GPCPD1: variants seen among roughly 807,000 people sequenced by gnomAD.
The protein encoded by GPCPD1 is glycerophosphocholine phosphodiesterase GPCPD1.
Under a neutral mutation model 89.2 loss-of-function variants are expected in GPCPD1, and 29 were observed. That is an observed-to-expected ratio of 0.33 (90% CI 0.24 to 0.44). The LOEUF (loss-of-function observed/expected upper bound fraction) is 0.44, where lower values mean the gene tolerates loss of function less well. Among genes scored for constraint, GPCPD1 ranks in the 20% least tolerant of loss-of-function variants. The pLI, the probability that GPCPD1 is intolerant of heterozygous loss-of-function variation, is 1.00. For missense variants in GPCPD1, 594 were observed against 808.9 expected, an observed-to-expected ratio of 0.73 and a Z score of 3.22; for synonymous variants, 258 against 266.3, an observed-to-expected ratio of 0.97 and a Z score of 0.30.
chr20:5,603,962 G>C (rs929061535), intron 2 of GPCPD1, among the ~76,000 whole-genome samples: 1 of 151,942 alleles, frequency 6.6e-6, no homozygotes, highest in Non-Finnish European at 1.5e-5. Flanking sequence ...GGCCAGGCTG[G>C]TCTTGAACTC....
chr20:5,588,510 A>G (rs1302867526), intron 4 of GPCPD1, among the ~76,000 whole-genome samples: 1 of 150,946 alleles, frequency 6.6e-6, no homozygotes, highest in Non-Finnish European at 1.5e-5. Flanking sequence ...TTCTCAAAAA[A>G]AAGTCGCAAA....
chr20:5,558,290 A>C (rs545454332), intron 18 of GPCPD1, among the ~76,000 whole-genome samples, 185 bp from the exon 19 acceptor site: 1 of 152,316 alleles, frequency 6.6e-6, no homozygotes, highest in East Asian at 1.9e-4. Flanking sequence ...TATTCACAAT[A>C]TATTAATATA....
chr20:5,597,100 C>T (rs572545457), intron 3 of GPCPD1, among the ~76,000 whole-genome samples: 1 of 152,174 alleles, frequency 6.6e-6, no homozygotes, highest in Non-Finnish European at 1.5e-5. Context: ...GAAGGAAATA[C>T]TAGTCTGTGA....
chr20:5,608,522 C>A (rs1187054505), intron 1 of GPCPD1, among the ~76,000 whole-genome samples: 3 of 152,014 alleles, frequency 2.0e-5, no homozygotes, highest in Non-Finnish European at 4.4e-5. Context: ...ATTTTGGCAT[C>A]CAGTTACCAC....
intron 8 of GPCPD1, 70 bp from the exon 9 acceptor site, chr20:5,576,048 C>CACACACACACACAG (rs1490959954): frequency 1.4e-5 from 9 of 631,786 alleles, no homozygotes; most frequent in Non-Finnish European, 2.3e-5. Flanking sequence ...TATACACACA[C>CACACACACACACAG]ACACACACAC....
chr20:5,582,917 T>C (rs1489828204), intron 6 of GPCPD1, among the ~76,000 whole-genome samples: 1 of 146,934 alleles, frequency 6.8e-6, no homozygotes, highest in Non-Finnish European at 1.5e-5. Context: ...AAGAATGCAG[T>C]TTAGTATAAT....
chr20:5,595,155 A>G (rs1445025918), intron 3 of GPCPD1, among the ~76,000 whole-genome samples: 1 of 152,214 alleles, frequency 6.6e-6, no homozygotes, highest in Non-Finnish European at 1.5e-5. Context: ...TGATTGTATC[A>G]TTTTTTAGCA....
At chr20:5,557,924 T>A (rs1461745758) in intron 19 of GPCPD1, 21 bp downstream of exon 19, 2 of 1,369,898 alleles carry the variant, frequency 1.5e-6, no homozygotes, top group Non-Finnish European at 2.0e-6. Context: ...TCCATGAAAA[T>A]TTTTCATGAA....
intron 2 of GPCPD1, among the ~76,000 whole-genome samples, chr20:5,600,714 C>T (rs547675253): frequency 6.6e-6 from 1 of 152,276 alleles, no homozygotes; most frequent in African/African-American, 2.4e-5. Context: ...CACCTGTAAT[C>T]CCAGTTACTC....
intron 1 of GPCPD1, 98 bp from the exon 2 acceptor site, chr20:5,604,538 A>T (rs1980410277): frequency 2.2e-6 from 1 of 451,108 alleles, no homozygotes; most frequent in Non-Finnish European, 4.0e-6. Context: ...TTATATTTTT[A>T]AAAGCAATAT....
intron 2 of GPCPD1, among the ~76,000 whole-genome samples, chr20:5,604,016 G>A (rs1980372923): frequency 6.6e-6 from 1 of 152,120 alleles, no homozygotes; most frequent in African/African-American, 2.4e-5. Flanking sequence ...CAAAGTGCTG[G>A]GATTACAGGC....
intron 19 of GPCPD1, among the ~76,000 whole-genome samples, chr20:5,552,433 T>C (rs547708322): frequency 3.9e-5 from 6 of 152,264 alleles, no homozygotes; most frequent in Non-Finnish European, 5.9e-5. Context: ...TATCTTCCTG[T>C]TCTCCATTAA....
chr20:5,578,413 T>C lies in GPCPD1; in HGVS notation c.672A>G (p.Pro224=), dbSNP rs1568661477. 6.2e-7 allele frequency: 1 copy of C among 1,613,358 alleles called. No homozygotes were observed. Among genetic ancestry groups the C allele is most frequent in the Non-Finnish European group, 8.5e-7 (1 of 1,179,226 alleles). ...AATCAAAGATTAGTTCCAGGTTATC[T>C]GGTTCCATCGTCTGTATGCTGTACT... ...WTEYSIQTME[P]DNLELIFDFF... The change falls in exon 8 of 20, where the codon CCA becomes CCG. Residue 224 remains proline, a synonymous_variant. Transcript: ENST00000379019.
At chr20:5,559,218 T>TA (rs958794687) in intron 17 of GPCPD1, among the ~76,000 whole-genome samples, 44 of 147,990 alleles carry the variant, frequency 3.0e-4, no homozygotes, top group African/African-American at 8.9e-4. Context: ...TAAATAGATT[T>TA]AAAAAAAAAA....
At chr20:5,578,039 A>C (rs529909127) in intron 8 of GPCPD1, among the ~76,000 whole-genome samples, 1 of 152,234 alleles carries the variant, frequency 6.6e-6, no homozygotes, top group Non-Finnish European at 1.5e-5. Context: ...CACGCTTGTT[A>C]CATCGGGATG....
chr20:5,547,580 A>T lies in GPCPD1; in HGVS notation c.*81T>A, dbSNP rs1397981232. 2 of 682,440 alleles carry T rather than the reference A, an allele frequency of 2.9e-6. No individual in the cohort carries two copies. The highest frequency in any genetic ancestry group is 3.6e-5 in the African/African-American group (2 of 56,318). The allele number at this position is 682,440 out of a possible 1,614,324, so 42.3% of individuals were successfully genotyped here. A position where few individuals can be genotyped will look rare whatever the true frequency, so the allele number is the denominator to read the frequency against. ...TTGAACTGAGAAGCCCAAAAGGCAT[A>T]GATCAACAATGCTCAGTGATGAAAA... On this transcript the variant is annotated 3_prime_UTR_variant, in exon 20 of 20. Coordinates refer to ENST00000379019, the MANE Select transcript of GPCPD1 (RefSeq NM_019593.5).
At chr20:5,593,278 T>C in intron 4 of GPCPD1, 49 bp downstream of exon 4, 1 of 923,650 alleles carries the variant, frequency 1.1e-6, no homozygotes, top group Non-Finnish European at 1.8e-6. Context: ...AGTGAGTTGC[T>C]TTTGAAGGAA....
At chr20:5,578,649 C>A (rs761574505) in intron 7 of GPCPD1, 38 bp from the exon 8 acceptor site, 3 of 1,299,290 alleles carry the variant, frequency 2.3e-6, no homozygotes, top group Admixed American at 1.8e-5. Context: ...CAAGAAGTGG[C>A]AGAAAAGAAA....
intron 4 of GPCPD1, among the ~76,000 whole-genome samples, chr20:5,591,239 G>T (rs1418091158): frequency 6.6e-6 from 1 of 152,150 alleles, no homozygotes; most frequent in African/African-American, 2.4e-5. Flanking sequence ...AAGAGAACAC[G>T]TCATTGTGAA....
Sources: allele counts gnomAD v4.1 joint callset (sites outside exome capture counted in the v4.1 genomes callset), GRCh38; gene constraint gnomAD v4.1.1; transcripts MANE v1.5; gene names NCBI Gene and HGNC (gene_info 2026-07-23, HGNC 2026-07-21).